RAB38: variants seen among roughly 807,000 people sequenced by gnomAD.
RAB38 encodes ras-related protein Rab-38.
In RAB38, 15 loss-of-function variants were observed where a neutral mutation model predicts 18.4. That is an observed-to-expected ratio of 0.82 (90% confidence interval 0.55 to 1.26). The LOEUF is 1.26. RAB38 is among the 50% of genes most tolerant of loss of function. The probability of loss-of-function intolerance (pLI) is 0.00; values close to 1 mark genes in which losing one functional copy is unlikely to be tolerated. For missense variants in RAB38, 294 were observed against 267.4 expected (o/e 1.10, Z -0.69); for synonymous variants, 101 against 104.4 (o/e 0.97, Z 0.20).
At chr11:87,849,503 A>G in the RAB38 span, among the ~76,000 whole-genome samples, 1 of 152,152 alleles carries the variant, frequency 6.6e-6, no homozygotes, top group Non-Finnish European at 1.5e-5. Context: ...CCCTCAGGTC[A>G]TGCCAATAGT....
chr11:88,128,216 C>T (rs926535981), intron 2 of RAB38, among the ~76,000 whole-genome samples: 18 of 152,242 alleles, frequency 1.2e-4, no homozygotes, highest in Admixed American at 2.6e-4. Context: ...TTCTGGCATC[C>T]GTTTCACCAG....
chr11:87,877,981 C>T, the RAB38 span, among the ~76,000 whole-genome samples: 10 of 151,100 alleles, frequency 6.6e-5, no homozygotes, highest in African/African-American at 2.4e-4. Flanking sequence ...CCTGACTTAT[C>T]CTTGTAACAT....
the RAB38 span, among the ~76,000 whole-genome samples, chr11:87,969,193 G>C: frequency 4.0e-5 from 6 of 151,858 alleles, no homozygotes; most frequent in Non-Finnish European, 5.9e-5. Flanking sequence ...ATGATGTAAG[G>C]GCCTTTTCCA....
the RAB38 span, among the ~76,000 whole-genome samples, chr11:87,941,212 GAGATATAT>G: frequency 0.011 from 417 of 37,802 alleles, 15 homozygotes; most frequent in African/African-American, 0.049. Flanking sequence ...ATAAATATAT[GAGATATAT>G]ATATATATAT....
downstream of RAB38, among the ~76,000 whole-genome samples, chr11:88,111,960 AT>A (rs1214331308): frequency 2.0e-5 from 3 of 152,208 alleles, no homozygotes; most frequent in East Asian, 5.8e-4. Context: ...TGTCCACATC[AT>A]TTATTTCAGG....
the RAB38 span, among the ~76,000 whole-genome samples, chr11:88,015,012 G>A: frequency 5.3e-5 from 8 of 151,358 alleles, no homozygotes; most frequent in African/African-American, 1.7e-4. Context: ...ATAATAGATC[G>A]ACCTTAAAAT....
the RAB38 span, among the ~76,000 whole-genome samples, chr11:87,811,708 TA>T: frequency 6.6e-6 from 1 of 152,174 alleles, no homozygotes; most frequent in African/African-American, 2.4e-5. Context: ...TGTTGCTTTT[TA>T]AATTCCAGGG....
At chr11:88,020,198 C>T in the RAB38 span, among the ~76,000 whole-genome samples, 80 of 152,236 alleles carry the variant, frequency 5.3e-4, no homozygotes, top group African/African-American at 1.9e-3. Context: ...ACCCAATGAT[C>T]TCTTGTCTAC....
chr11:87,933,385 C>T, the RAB38 span, among the ~76,000 whole-genome samples: 4 of 152,180 alleles, frequency 2.6e-5, no homozygotes, highest in African/African-American at 9.6e-5. Context: ...TCACAGAATA[C>T]ATGAGTAGAA....
At chr11:88,164,717 G>C (rs61256772) in intron 1 of RAB38, among the ~76,000 whole-genome samples, 27,213 of 151,866 alleles carry the variant, frequency 0.18, 2,539 homozygotes, top group African/African-American at 0.24. Flanking sequence ...AGTGCTTTTG[G>C]CCTAGAGGCA....
chr11:88,157,718 AC>A (rs1943142786), intron 1 of RAB38, among the ~76,000 whole-genome samples: 1 of 152,298 alleles, frequency 6.6e-6, no homozygotes, highest in African/African-American at 2.4e-5. Flanking sequence ...GGAAATGAAA[AC>A]AACTTGCTTT....
At chr11:88,072,924 T>C in the RAB38 span, among the ~76,000 whole-genome samples, 1 of 152,126 alleles carries the variant, frequency 6.6e-6, no homozygotes, top group South Asian at 2.1e-4. Context: ...AGAACTTAAG[T>C]CTGAGGAAAA....
chr11:88,026,453 C>T, the RAB38 span, among the ~76,000 whole-genome samples: 1 of 150,256 alleles, frequency 6.7e-6, no homozygotes, highest in East Asian at 2.0e-4. Flanking sequence ...ATCCCACCTA[C>T]TCAGGAGGCT....
intron 2 of RAB38, among the ~76,000 whole-genome samples, chr11:88,133,355 G>C (rs1359203918): frequency 6.6e-6 from 1 of 152,164 alleles, no homozygotes; most frequent in African/African-American, 2.4e-5. Context: ...TTAACATTTT[G>C]AACATTCATG....
chr11:87,926,952 T>TCA, the RAB38 span, among the ~76,000 whole-genome samples: 1 of 151,974 alleles, frequency 6.6e-6, no homozygotes, highest in Non-Finnish European at 1.5e-5. Context: ...ATCCAACAGT[T>TCA]CAGAGAGTCA....
the RAB38 span, among the ~76,000 whole-genome samples, chr11:87,936,507 AC>A: frequency 5.9e-5 from 9 of 152,014 alleles, no homozygotes; most frequent in African/African-American, 2.2e-4. Flanking sequence ...TTATGTGCCT[AC>A]CCCTCCAGCC....
chr11:88,039,106 G>A, the RAB38 span, among the ~76,000 whole-genome samples: 1 of 152,192 alleles, frequency 6.6e-6, no homozygotes, highest in Admixed American at 6.5e-5. Context: ...TTAAAGAGGA[G>A]TAGAAATTTG....
At chr11:87,967,849 T>C in the RAB38 span, among the ~76,000 whole-genome samples, 4 of 152,258 alleles carry the variant, frequency 2.6e-5, no homozygotes, top group Middle Eastern at 3.4e-3. Context: ...AGTCTTTCAA[T>C]AGGCATAATA....
the RAB38 span, among the ~76,000 whole-genome samples, chr11:87,897,164 C>T: frequency 2.2e-4 from 34 of 151,680 alleles, no homozygotes; most frequent in East Asian, 6.7e-3. Flanking sequence ...TAACCCCCCC[C>T]AAACCAATGT....
Sources: gnomAD v4.1 joint callset for allele counts (sites outside exome capture counted in the v4.1 genomes callset) on GRCh38, gnomAD v4.1.1 for gene constraint, MANE v1.5 for transcripts, NCBI Gene and HGNC (gene_info 2026-07-23, HGNC 2026-07-21) for gene names.